Variants in FBLN7 observed in about 807,000 individuals in gnomAD.
FBLN7 encodes fibulin-7.
FBLN7 carries 31 observed loss-of-function variants against 44.0 expected under a neutral mutation model. That is an observed-to-expected ratio of 0.70 (90% confidence interval 0.53 to 0.95). The LOEUF (loss-of-function observed/expected upper bound fraction) is 0.95, where lower values mean the gene tolerates loss of function less well. FBLN7 is among the 40% of genes least tolerant of loss of function. FBLN7 has a pLI of 0.00. For missense variants in FBLN7, 573 were observed against 618.5 expected, an observed-to-expected ratio of 0.93 and a Z score of 0.78; for synonymous variants, 262 against 253.4, an observed-to-expected ratio of 1.03 and a Z score of -0.32.
chr2:112,230,754 ATG>A, the FBLN7 span: 2 of 425,018 alleles, frequency 4.7e-6, no homozygotes, highest in Non-Finnish European at 7.8e-6. Context: ...CCATATAGGT[ATG>A]TAAATATATC....
chr2:112,232,139 G>A, the FBLN7 span, among the ~76,000 whole-genome samples: 2 of 151,896 alleles, frequency 1.3e-5, no homozygotes, highest in African/African-American at 2.4e-5. Flanking sequence ...GCGAAACCTC[G>A]CCTTTACTAA....
At chr2:112,233,206 T>G in the FBLN7 span, 1 of 1,293,228 alleles carries the variant, frequency 7.7e-7, no homozygotes, top group African/African-American at 1.5e-5. Context: ...TTTGCACATT[T>G]AAAATGTTCA....
chr2:112,182,826 C>A lies in FBLN7; in HGVS notation c.706C>A (p.Arg236Ser). Residue 236 changes from arginine to serine, a missense_variant, in exon 6 of 8, where the codon CGC (arginine) becomes AGC (serine). By Grantham distance (110) the Arg-to-Ser change is moderately radical (BLOSUM62 -1). Coordinates refer to ENST00000331203, the MANE Select transcript of FBLN7 (RefSeq NM_153214.3). ...NECELYGQEG[R>S]PRLCMHACVN... ...GTGTGAGCTCTACGGGCAGGAGGGG[C>A]GCCCCCGGCTCTGCATGCACGCCTG... 6.2e-7 allele frequency: 1 copy of A among 1,610,146 alleles called. No individual in the cohort carries two copies. The highest frequency in any genetic ancestry group is 8.5e-7 in the Non-Finnish European group (1 of 1,178,658).
intron 3 of FBLN7, 106 bp from the exon 4 acceptor site, chr2:112,175,608 G>A: frequency 7.0e-7 from 1 of 1,424,874 alleles, no homozygotes; most frequent in Non-Finnish European, 9.6e-7. Flanking sequence ...GAAAGTGGGA[G>A]TTCTCCTACA....
At chr2:112,173,326 C>T (rs569922583) in intron 3 of FBLN7, among the ~76,000 whole-genome samples, 1 of 151,642 alleles carries the variant, frequency 6.6e-6, no homozygotes, top group Non-Finnish European at 1.5e-5. Flanking sequence ...AAAGAAATGC[C>T]GGAAAGACAT....
At chr2:112,197,262 CACACACACACACAGAG>C in the FBLN7 span, among the ~76,000 whole-genome samples, 1 of 128,936 alleles carries the variant, frequency 7.8e-6, no homozygotes, top group Admixed American at 7.8e-5. Flanking sequence ...CACACACACA[CACACACACACACAGAG>C]AGAGAGAGAG....
chr2:112,241,984 G>A, the FBLN7 span, among the ~76,000 whole-genome samples: 15 of 152,136 alleles, frequency 9.9e-5, no homozygotes, highest in African/African-American at 3.6e-4. Flanking sequence ...TTACACTGCT[G>A]GAAAACCTCC....
the FBLN7 span, chr2:112,233,305 C>T: frequency 6.2e-7 from 1 of 1,601,852 alleles, no homozygotes; most frequent in African/African-American, 1.3e-5. Flanking sequence ...TATCCTTGTA[C>T]ATAAAACTTA....
chr2:112,238,337 T>G, the FBLN7 span: 1 of 1,613,610 alleles, frequency 6.2e-7, no homozygotes, highest in South Asian at 1.1e-5. Context: ...CTTTTACTCC[T>G]TCTTTCTTTG....
the FBLN7 span, among the ~76,000 whole-genome samples, chr2:112,194,481 A>G: frequency 6.6e-6 from 1 of 152,216 alleles, no homozygotes; most frequent in East Asian, 1.9e-4. Flanking sequence ...CTTCTAACAC[A>G]GTGGCTCGTG....
the FBLN7 span, among the ~76,000 whole-genome samples, chr2:112,196,962 T>C: frequency 6.6e-6 from 1 of 151,864 alleles, no homozygotes; most frequent in Non-Finnish European, 1.5e-5. Flanking sequence ...TATAAAACCA[T>C]TGGATCTCCT....
chr2:112,181,977 C>T (rs1191648530), intron 5 of FBLN7, 101 bp downstream of exon 5: 119 of 1,409,880 alleles, frequency 8.4e-5, no homozygotes, highest in Non-Finnish European at 1.1e-4. Context: ...CGGGTGGCTT[C>T]CTGCGCGCGG....
chr2:112,146,691 G>A (rs1680916388), intron 1 of FBLN7, among the ~76,000 whole-genome samples: 2 of 151,038 alleles, frequency 1.3e-5, no homozygotes, highest in South Asian at 4.2e-4. Context: ...TTATTTATAG[G>A]GAATTTTAAA....
At chr2:112,144,967 G>A (rs1375226350) in intron 1 of FBLN7, among the ~76,000 whole-genome samples, 1 of 152,224 alleles carries the variant, frequency 6.6e-6, no homozygotes, top group Non-Finnish European at 1.5e-5. Flanking sequence ...GCAAATACCT[G>A]GGAGTGGGAT....
rs565751676 is a variant in FBLN7, at chr2:112,187,824, T to C, written c.*318T>C. The stretch of plus-strand genomic sequence containing the variant: ...TGCTGTGCAAATGGCCTTGTGAGTT[T>C]GAACTAGCTGGGGAGAGAAAAGGTG... On this transcript the variant is annotated 3_prime_UTR_variant, in exon 8 of 8. Transcript: ENST00000331203. The surrounding 1 kb of genome is among the most constrained non-coding windows in gnomAD (Gnocchi z 5.1). 4.3e-4 allele frequency: 202 copies of C among 472,962 alleles called. 3 individuals are homozygous for C. Among genetic ancestry groups the C allele is most frequent in the Admixed American group, 1.2e-3 (32 of 26,156 alleles). 29.3% of individuals were successfully genotyped at this position (472,962 alleles called of 1,614,324 possible).
the FBLN7 span, among the ~76,000 whole-genome samples, chr2:112,197,234 A>AACAC: frequency 0.15 from 13,415 of 88,946 alleles, 1,329 homozygotes; most frequent in Admixed American, 0.23. Context: ...CGTAAGAGAA[A>AACAC]ACACACACAC....
the FBLN7 span, among the ~76,000 whole-genome samples, chr2:112,208,672 ACT>A: frequency 6.6e-6 from 1 of 151,642 alleles, no homozygotes; most frequent in Admixed American, 6.6e-5. Flanking sequence ...CTGGATTACT[ACT>A]CTCTCTCTTT....
chr2:112,147,067 C>A (rs1052413088), intron 1 of FBLN7, among the ~76,000 whole-genome samples: 4 of 151,790 alleles, frequency 2.6e-5, no homozygotes, highest in African/African-American at 9.7e-5. Flanking sequence ...TGTGTTTTTT[C>A]TTTAGTCTGT....
At chr2:112,171,627 G>T (rs192957651) in intron 3 of FBLN7, among the ~76,000 whole-genome samples, 1 of 152,112 alleles carries the variant, frequency 6.6e-6, no homozygotes, top group African/African-American at 2.4e-5. Context: ...AAAAAAAGAT[G>T]AATTTCCTTC....
Sources: allele counts gnomAD v4.1 joint callset (sites outside exome capture counted in the v4.1 genomes callset), GRCh38; gene constraint gnomAD v4.1.1; non-coding constraint Gnocchi (gnomAD v3.1); transcripts MANE v1.5; gene names NCBI Gene and HGNC (gene_info 2026-07-23, HGNC 2026-07-21).